SNX30: variants seen among roughly 807,000 people sequenced by gnomAD.
SNX30 encodes sorting nexin family member 30, also known as sorting nexin-30.
In SNX30, 24 loss-of-function variants were observed where a neutral mutation model predicts 46.4. The ratio of observed to expected loss-of-function variants is 0.52; its 90% CI spans 0.37 to 0.73. The LOEUF (loss-of-function observed/expected upper bound fraction) is 0.73. Among genes scored for constraint, SNX30 ranks in the 30% least tolerant of loss-of-function variants. The pLI is 0.00. For missense variants in SNX30, 533 were observed against 555.7 expected, an observed-to-expected ratio of 0.96 and a Z score of 0.41; for synonymous variants, 189 against 211.5, an observed-to-expected ratio of 0.89 and a Z score of 0.92.
At chr9:112,763,912 A>G (rs1260069366) in intron 1 of SNX30, among the ~76,000 whole-genome samples, 1 of 151,978 alleles carries the variant, frequency 6.6e-6, no homozygotes, top group East Asian at 1.9e-4. Flanking sequence ...TGTTACATGG[A>G]TAGATTGTGT....
At chr9:112,850,665 G>T (rs1157321945) in intron 6 of SNX30, among the ~76,000 whole-genome samples, 194 bp from the exon 7 acceptor site, 1 of 152,196 alleles carries the variant, frequency 6.6e-6, no homozygotes, top group Non-Finnish European at 1.5e-5. Context: ...ATCAGGAGTG[G>T]TTCTCCTCTC....
chr9:112,793,797 GTTTTTTGT>G (rs1337204113), intron 1 of SNX30, among the ~76,000 whole-genome samples: 2 of 137,112 alleles, frequency 1.5e-5, no homozygotes, highest in Admixed American at 1.5e-4. Flanking sequence ...TACCTCCACT[GTTTTTTGT>G]TTTTTTTTTT....
At chr9:112,753,276 A>G (rs1467262883) in intron 1 of SNX30, among the ~76,000 whole-genome samples, 1 of 152,218 alleles carries the variant, frequency 6.6e-6, no homozygotes, top group Non-Finnish European at 1.5e-5. Context: ...TACCACCAAG[A>G]TCTGGTTAGT....
At chr9:112,767,982 C>T (rs931608084) in intron 1 of SNX30, among the ~76,000 whole-genome samples, 6 of 152,178 alleles carry the variant, frequency 3.9e-5, no homozygotes, top group African/African-American at 1.2e-4. Context: ...GTTTTCCTGG[C>T]TTTCATTCAT....
intron 2 of SNX30, among the ~76,000 whole-genome samples, chr9:112,813,662 C>T (rs576397903): frequency 1.4e-4 from 21 of 151,920 alleles, no homozygotes; most frequent in African/African-American, 4.8e-4. Context: ...TTAGTAGAGA[C>T]AGGGTTTCAC....
chr9:112,867,158 G>T (rs1249854652), intron 8 of SNX30, among the ~76,000 whole-genome samples: 1 of 110,116 alleles, frequency 9.1e-6, no homozygotes, highest in African/African-American at 3.6e-5. Context: ...CCTACCTCAG[G>T]ATTCCTTCTC....
At chr9:112,865,008 C>T (rs113967255) in intron 8 of SNX30, among the ~76,000 whole-genome samples, 22,440 of 147,940 alleles carry the variant, frequency 0.15, 2,076 homozygotes, top group African/African-American at 0.25. Flanking sequence ...CACACACCCA[C>T]ACACCCCACT....
upstream of SNX30, among the ~76,000 whole-genome samples, chr9:112,749,748 G>T (rs1251943149): frequency 6.6e-6 from 1 of 152,232 alleles, no homozygotes; most frequent in Non-Finnish European, 1.5e-5. Context: ...AGAGGCCTTA[G>T]TGAATCCCAG....
rs1385560371 is a variant in SNX30 at position 112,768,607 on chromosome 9, T to C, written c.156+17450T>C. Among the ~76,000 whole-genome samples the C allele has an allele frequency of 1.1e-4, 3 of 26,174 alleles. No homozygotes were observed. The South Asian group carries it at 8.5e-3, about 74-fold the overall frequency. 17.2% of individuals were successfully genotyped at this position (26,174 alleles called of 152,430 possible). A position where few individuals can be genotyped will look rare whatever the true frequency, so the allele number is the denominator to read the frequency against. ...TAATAGGATGGCCCAGGGAGCAGTATTTTTTTTTTTTGTAAAGTTTCTCTA... is the reference window on the plus strand; with the variant it reads ...TAATAGGATGGCCCAGGGAGCAGTACTTTTTTTTTTTGTAAAGTTTCTCTA... On this transcript the variant is annotated intron_variant, in intron 1 of 8. Transcript: ENST00000374232.
At chr9:112,750,075 C>T (rs181824093), upstream of SNX30, among the ~76,000 whole-genome samples, 1 of 152,310 alleles carries the variant, frequency 6.6e-6, no homozygotes, top group Admixed American at 6.5e-5. Context: ...ATAACTTGAA[C>T]CTCATGGTTC....
chr9:112,881,729 T>C (rs1272131989), downstream of SNX30: 2 of 152,226 alleles, frequency 1.3e-5, no homozygotes, highest in Admixed American at 6.5e-5. Flanking sequence ...GAGAGCCAAA[T>C]AGCCATGGTC....
intron 7 of SNX30, among the ~76,000 whole-genome samples, chr9:112,857,591 T>A (rs1291972921): frequency 2.6e-5 from 4 of 152,186 alleles, no homozygotes; most frequent in Admixed American, 6.5e-5. Flanking sequence ...CTCCACACTT[T>A]GGGATTATAT....
At chr9:112,804,095 T>A (rs1160332299) in intron 1 of SNX30, among the ~76,000 whole-genome samples, 2 of 150,710 alleles carry the variant, frequency 1.3e-5, no homozygotes, top group Non-Finnish European at 3.0e-5. Flanking sequence ...ATCACCGTCT[T>A]CTGCGTCGCT....
chr9:112,788,423 T>C (rs950439072), intron 1 of SNX30, among the ~76,000 whole-genome samples: 1 of 152,128 alleles, frequency 6.6e-6, no homozygotes, highest in Non-Finnish European at 1.5e-5. Flanking sequence ...GAACCAGGCT[T>C]TGTAAGATGA....
At chr9:112,822,467 A>G (rs1021557436) in intron 3 of SNX30, among the ~76,000 whole-genome samples, 4 of 151,706 alleles carry the variant, frequency 2.6e-5, no homozygotes, top group African/African-American at 9.7e-5. Context: ...CCCTGATACC[A>G]TCACCACAAT....
chr9:112,841,758 G>C (rs967530051), intron 6 of SNX30, among the ~76,000 whole-genome samples: 1 of 152,198 alleles, frequency 6.6e-6, no homozygotes, highest in East Asian at 1.9e-4. Flanking sequence ...GTCTTAAGTG[G>C]CTTGCCCACC....
chr9:112,762,375 A>G (rs1216818609), intron 1 of SNX30, among the ~76,000 whole-genome samples: 1 of 152,154 alleles, frequency 6.6e-6, no homozygotes, highest in African/African-American at 2.4e-5. Flanking sequence ...TCGTGAGCAT[A>G]TGCTACATAC....
intron 8 of SNX30, among the ~76,000 whole-genome samples, chr9:112,865,645 A>ATGTG (rs1400911336): frequency 4.7e-5 from 4 of 84,368 alleles, no homozygotes; most frequent in Non-Finnish European, 1.1e-4. Flanking sequence ...ATATATATAT[A>ATGTG]TATATATATA....
At chr9:112,755,943 C>T (rs1209853657) in intron 1 of SNX30, among the ~76,000 whole-genome samples, 5 of 152,032 alleles carry the variant, frequency 3.3e-5, no homozygotes, top group East Asian at 1.9e-4. Context: ...TTGGGTCAGG[C>T]GCCTAAACCA....
Sources: allele counts gnomAD v4.1 joint callset (sites outside exome capture counted in the v4.1 genomes callset), GRCh38; gene constraint gnomAD v4.1.1; transcripts MANE v1.5; gene names NCBI Gene and HGNC (gene_info 2026-07-23, HGNC 2026-07-21).